Variants in USP34 observed in about 807,000 individuals in gnomAD.
The protein encoded by USP34 is ubiquitin carboxyl-terminal hydrolase 34.
A neutral mutation model predicts 460.3 loss-of-function variants in USP34; 70 were observed. The ratio of observed to expected loss-of-function variants is 0.15; its 90% confidence interval spans 0.13 to 0.19. USP34 has a LOEUF of 0.19. Ranked by LOEUF, USP34 falls within the 10% of genes least tolerant of loss-of-function variation. The pLI is 1.00. For missense variants in USP34, 3,985 were observed against 4,236.2 expected, an observed-to-expected ratio of 0.94 and a Z score of 1.65; for synonymous variants, 1,647 against 1,405.3, an observed-to-expected ratio of 1.17 and a Z score of -3.85.
At chr2:61,402,693 GAAAAATCA>G (rs1374140946) in intron 3 of USP34, among the ~76,000 whole-genome samples, 1 of 151,906 alleles carries the variant, frequency 6.6e-6, no homozygotes, top group African/African-American at 2.4e-5. Context: ...AAATATTAAC[GAAAAATCA>G]AAATCAAAGG....
intron 43 of USP34, among the ~76,000 whole-genome samples, chr2:61,260,108 C>G (rs573616969): frequency 2.0e-4 from 30 of 152,308 alleles, no homozygotes; most frequent in African/African-American, 6.7e-4. Flanking sequence ...AAGTTGTCTT[C>G]CACAAGTAAA....
Position 61,293,866 on chromosome 2 carries a change from T to C in USP34, c.4462-316A>G, listed in dbSNP as rs1176330399. ...CTCATCTCTACAAAAAATAAAAAAA[T>C]TGGCCGGGTATGGTGGCTGGTGCCT... On this transcript the variant is annotated intron_variant, in intron 32 of 79. Coordinates refer to ENST00000398571, the MANE Select transcript of USP34 (RefSeq NM_014709.4). Among the ~76,000 whole-genome samples, 6 of 151,912 alleles carry C rather than the reference T, an allele frequency of 3.9e-5. No homozygotes were observed. The East Asian group carries it at 1.2e-3, about 29-fold the overall frequency.
intron 5 of USP34, among the ~76,000 whole-genome samples, chr2:61,391,732 G>A (rs1474897388): frequency 2.0e-5 from 3 of 152,080 alleles, no homozygotes; most frequent in Non-Finnish European, 2.9e-5. Context: ...AAATTACTAT[G>A]AAATAAATAA....
chr2:61,187,465 A>G lies in USP34; in HGVS notation c.*637T>C, dbSNP rs1280889102. On this transcript the variant is annotated 3_prime_UTR_variant, in exon 80 of 80. Transcript: ENST00000398571. ...CTGAAGCAACGTATGTAAACAAATG[A>G]AAAGTCATCACAATCAGTTTAATTA... 1.0e-6 allele frequency: 1 copy of G among 985,816 alleles called. No homozygotes were observed. The highest frequency in any genetic ancestry group is 6.2e-5 in the Admixed American group (1 of 16,236). 61.1% of individuals were successfully genotyped at this position (985,816 alleles called of 1,614,324 possible).
chr2:61,327,162 A>G (rs1691122029), intron 20 of USP34, among the ~76,000 whole-genome samples: 1 of 152,116 alleles, frequency 6.6e-6, no homozygotes, highest in Non-Finnish European at 1.5e-5. Flanking sequence ...TAGCTTCCCA[A>G]AATCGCACTA....
intron 33 of USP34, among the ~76,000 whole-genome samples, chr2:61,289,190 T>A (rs1689777016): frequency 6.6e-6 from 1 of 152,056 alleles, no homozygotes; most frequent in Admixed American, 6.6e-5. Context: ...AACATACTGC[T>A]CATAATTTAT....
intron 2 of USP34, among the ~76,000 whole-genome samples, chr2:61,414,355 C>A (rs1197083026): frequency 6.6e-6 from 1 of 151,820 alleles, no homozygotes; most frequent in Non-Finnish European, 1.5e-5. Context: ...ACCTAGAATA[C>A]AACTGATCAA....
intron 1 of USP34, among the ~76,000 whole-genome samples, chr2:61,424,468 AAGG>A (rs1354929013): frequency 6.6e-6 from 1 of 152,208 alleles, no homozygotes; most frequent in Admixed American, 6.5e-5. Context: ...CACAGAAACA[AAGG>A]AGAAGGGTGG....
chr2:61,238,311 T>C (rs1030206416), intron 53 of USP34, among the ~76,000 whole-genome samples: 2 of 152,206 alleles, frequency 1.3e-5, no homozygotes, highest in African/African-American at 4.8e-5. Context: ...CAATAAGCTC[T>C]GTCCTTCCTA....
At chr2:61,338,272 G>A (rs1421751421) in intron 18 of USP34, among the ~76,000 whole-genome samples, 1 of 152,146 alleles carries the variant, frequency 6.6e-6, no homozygotes, top group African/African-American at 2.4e-5. Context: ...AGTAAGCCAA[G>A]ATCACACGAC....
chr2:61,252,282 C>T (rs13398770), intron 48 of USP34, among the ~76,000 whole-genome samples: 66,304 of 151,924 alleles, frequency 0.44, 15,057 homozygotes, highest in South Asian at 0.71. Context: ...TCTCTGAGCT[C>T]AATTGCTGGG....
intron 1 of USP34, among the ~76,000 whole-genome samples, chr2:61,427,531 G>C (rs936729299): frequency 6.6e-6 from 1 of 152,172 alleles, no homozygotes; most frequent in Non-Finnish European, 1.5e-5. Flanking sequence ...AGAGATATGT[G>C]ACCTTTCAGA....
intron 20 of USP34, among the ~76,000 whole-genome samples, chr2:61,330,675 A>G (rs753641894): frequency 5.3e-5 from 8 of 152,182 alleles, no homozygotes; most frequent in Non-Finnish European, 8.8e-5. Context: ...ACCAGCAGAA[A>G]TCTTCTGAAT....
At chr2:61,293,584 A>G (rs760865321) in intron 32 of USP34, 34 bp from the exon 33 acceptor site, 2 of 1,529,390 alleles carry the variant, frequency 1.3e-6, no homozygotes, top group South Asian at 2.3e-5. Flanking sequence ...AGTAAGAGAA[A>G]AGCAGATATA....
At chr2:61,375,999 A>G (rs1352983239) in intron 8 of USP34, among the ~76,000 whole-genome samples, 2 of 152,150 alleles carry the variant, frequency 1.3e-5, no homozygotes, top group East Asian at 1.9e-4. Flanking sequence ...TTTAAATGAA[A>G]TATCTCAAAA....
intron 49 of USP34, among the ~76,000 whole-genome samples, chr2:61,247,118 A>T (rs1372895712): frequency 6.6e-6 from 1 of 152,204 alleles, no homozygotes; most frequent in Non-Finnish European, 1.5e-5. Flanking sequence ...ATCCCCAAAG[A>T]TTTAAAATAT....
At chr2:61,202,315 G>C (rs967347392) in intron 75 of USP34, among the ~76,000 whole-genome samples, 1 of 152,188 alleles carries the variant, frequency 6.6e-6, no homozygotes, top group Non-Finnish European at 1.5e-5. Context: ...GATCTGGGTA[G>C]TAGTTCCGCA....
intron 44 of USP34, among the ~76,000 whole-genome samples, chr2:61,257,705 T>C (rs1688756288): frequency 6.6e-6 from 1 of 151,874 alleles, no homozygotes; most frequent in South Asian, 2.1e-4. Context: ...GAGACCATCC[T>C]GGCCATCCTT....
intron 5 of USP34, among the ~76,000 whole-genome samples, chr2:61,383,689 C>A (rs1226143846): frequency 1.3e-5 from 2 of 152,124 alleles, no homozygotes; most frequent in Non-Finnish European, 2.9e-5. Context: ...CACTGCACTC[C>A]AGCCTGGGCA....
Sources: gnomAD v4.1 joint callset for allele counts (sites outside exome capture counted in the v4.1 genomes callset) on GRCh38, gnomAD v4.1.1 for gene constraint, MANE v1.5 for transcripts, NCBI Gene and HGNC (gene_info 2026-07-23, HGNC 2026-07-21) for gene names.